The following CLMP variants were observed in gnomAD, a reference collection of about 807,000 sequenced individuals.
The protein encoded by CLMP is CXADR like cell adhesion molecule, also known as CXADR-like membrane protein.
Under a neutral mutation model 45.2 loss-of-function variants are expected in CLMP, and 27 were observed. That is an observed-to-expected ratio of 0.60 (90% CI 0.44 to 0.82). The LOEUF is 0.82. CLMP is among the 40% of genes least tolerant of loss of function. The pLI is 0.00. For missense variants in CLMP, 403 were observed against 448.4 expected (o/e 0.90, Z 0.91); for synonymous variants, 167 against 171.4 (o/e 0.97, Z 0.20).
chr11:123,171,433 T>C (rs1235441022), intron 1 of CLMP, among the ~76,000 whole-genome samples: 24 of 146,698 alleles, frequency 1.6e-4, no homozygotes, highest in African/African-American at 5.8e-4. Context: ...TTTTTTTTTC[T>C]TTTCTTTTCT....
chr11:123,132,950 G>T (rs1240694386), intron 1 of CLMP, among the ~76,000 whole-genome samples: 3 of 151,638 alleles, frequency 2.0e-5, no homozygotes, highest in Non-Finnish European at 4.4e-5. Context: ...GTATTTTTTG[G>T]TAGAGGCAGG....
chr11:123,072,771 C>G lies in CLMP; in HGVS notation c.*703G>C, dbSNP rs1225000673. 6.6e-6 allele frequency: 1 copy of G among 152,210 alleles called. No homozygotes were observed. Among genetic ancestry groups the G allele is most frequent in the Non-Finnish European group, 1.5e-5 (1 of 68,046 alleles). 9.4% of individuals were successfully genotyped at this position (152,210 alleles called of 1,614,324 possible). Reference sequence around the variant, plus strand: ...TGAAGATGGAAAGCTCTTCACAATCCTTTGTCACAAATTTTTGTCTCCTTT... The same window carrying G: ...TGAAGATGGAAAGCTCTTCACAATCGTTTGTCACAAATTTTTGTCTCCTTT... On this transcript the variant is annotated 3_prime_UTR_variant, in exon 7 of 7. Transcript: ENST00000448775.
At chr11:123,164,121 G>A (rs993397207) in intron 1 of CLMP, among the ~76,000 whole-genome samples, 2 of 151,820 alleles carry the variant, frequency 1.3e-5, no homozygotes, top group African/African-American at 4.8e-5. Context: ...TTGCTTCTAC[G>A]AAAATCAATA....
Position 123,194,997 on chromosome 11 carries a change from C to A in CLMP, c.-57G>T. On this transcript the variant is annotated 5_prime_UTR_variant, in exon 1 of 7. Transcript: ENST00000448775. Reference sequence around the variant, plus strand: ...CAGCTGCTGCTTGGCTCCGGGGCGGCCGGGCGCCTCCGACGGACCTCGGGC... The same window carrying A: ...CAGCTGCTGCTTGGCTCCGGGGCGGACGGGCGCCTCCGACGGACCTCGGGC... The A allele has an allele frequency of 1.9e-6, 3 of 1,570,028 alleles. No homozygotes were observed. Among genetic ancestry groups the A allele is most frequent in the Non-Finnish European group, 1.7e-6 (2 of 1,156,562 alleles).
chr11:123,112,834 C>A (rs1041501680), intron 1 of CLMP, among the ~76,000 whole-genome samples: 1 of 133,608 alleles, frequency 7.5e-6, no homozygotes, highest in African/African-American at 3.0e-5. Flanking sequence ...AGTGCAGTGG[C>A]GCAATCTTGG....
Position 123,074,842 on chromosome 11 carries a change from A to G in CLMP, c.681T>C (p.Tyr227=), listed in dbSNP as rs199663148. Residue 227 remains tyrosine (Y), a splice_region_variant and synonymous_variant, in exon 6 of 7, where the codon TAT becomes TAC. Coordinates refer to ENST00000448775, the MANE Select transcript of CLMP (RefSeq NM_024769.5). ...CTGCAACCATGCCGATGCTTTGTACATCTATTTTCTCAGAAGCAAAAGCAC... is the reference window on the plus strand; with the variant it reads ...CTGCAACCATGCCGATGCTTTGTACGTCTATTTTCTCAGAAGCAAAAGCAC... The part of the protein sequence containing the change: ...ESCVVRVTVQ[Y]VQSIGMVAGA... 11 of 1,611,208 alleles carry G rather than the reference A, an allele frequency of 6.8e-6. No individual in the cohort carries two copies. In the Admixed American group the frequency reaches 1.0e-4, roughly 15 times the overall value.
At chr11:123,194,412 C>G (rs1861950700) in intron 1 of CLMP, among the ~76,000 whole-genome samples, 1 of 152,014 alleles carries the variant, frequency 6.6e-6, no homozygotes, top group Non-Finnish European at 1.5e-5. Context: ...TGACTTGGGG[C>G]ATTTGCATCT....
intron 1 of CLMP, among the ~76,000 whole-genome samples, chr11:123,150,482 A>AGGAG (rs1861308622): frequency 2.0e-5 from 2 of 99,068 alleles, no homozygotes; most frequent in Non-Finnish European, 4.2e-5. Context: ...AAAGAAAGAA[A>AGGAG]GGAAGGAAGG....
At chr11:123,144,523 C>T (rs1861210569) in intron 1 of CLMP, among the ~76,000 whole-genome samples, 1 of 152,170 alleles carries the variant, frequency 6.6e-6, no homozygotes, top group Admixed American at 6.6e-5. Flanking sequence ...AGGCATGTGC[C>T]ACCATGCCCA....
intron 1 of CLMP, among the ~76,000 whole-genome samples, chr11:123,111,264 G>C (rs1860633854): frequency 6.6e-6 from 1 of 151,934 alleles, no homozygotes; most frequent in Non-Finnish European, 1.5e-5. Flanking sequence ...CCAAGTAGCT[G>C]GGATTACAGA....
At chr11:123,161,660 A>G (rs1861488790) in intron 1 of CLMP, among the ~76,000 whole-genome samples, 1 of 152,200 alleles carries the variant, frequency 6.6e-6, no homozygotes, top group Non-Finnish European at 1.5e-5. Context: ...TGGCAACGGA[A>G]CAAGATTCTG....
rs148962151 is a variant in CLMP at position 123,177,267 on chromosome 11, A to G, written c.28+17646T>C. The stretch of plus-strand genomic sequence containing the variant: ...TTTTTGCTCCTTTGATGCAGTGTGT[A>G]TTTGGGAGGTGCGGTCTTAGGAAGC... On this transcript the variant is annotated intron_variant, in intron 1 of 6. Coordinates refer to ENST00000448775, the MANE Select transcript of CLMP (RefSeq NM_024769.5). Among the ~76,000 whole-genome samples the G allele has an allele frequency of 5.9e-3, 898 of 152,120 alleles. 11 individuals are homozygous for G. The highest frequency in any genetic ancestry group is 0.021 in the African/African-American group (863 of 41,482).
chr11:123,123,418 C>A (rs1329391911), intron 1 of CLMP, among the ~76,000 whole-genome samples: 1 of 152,024 alleles, frequency 6.6e-6, no homozygotes, highest in African/African-American at 2.4e-5. Flanking sequence ...TGCCACCACA[C>A]TGGCTAATTT....
chr11:123,085,285 G>A lies in CLMP; in HGVS notation c.187-572C>T, dbSNP rs192035717. ...TTTATTTTTGAGACAGTCTCGCTCC[G>A]TCACCCAGGCTGAAGTGCAGTGGCA... On this transcript the variant is annotated intron_variant, in intron 2 of 6. Coordinates refer to ENST00000448775, the MANE Select transcript of CLMP (RefSeq NM_024769.5). Among the ~76,000 whole-genome samples the A allele has an allele frequency of 3.0e-3, 445 of 150,332 alleles. 1 individual carries two copies. The highest frequency in any genetic ancestry group is 6.5e-3 in the South Asian group (31 of 4,760).
intron 1 of CLMP, among the ~76,000 whole-genome samples, chr11:123,150,005 A>G (rs1861291040): frequency 6.6e-6 from 1 of 151,642 alleles, no homozygotes; most frequent in Non-Finnish European, 1.5e-5. Context: ...GGGTTTCACT[A>G]TGTTGGCCAG....
intron 1 of CLMP, among the ~76,000 whole-genome samples, chr11:123,159,647 T>C (rs1453882102): frequency 6.6e-6 from 1 of 152,172 alleles, no homozygotes; most frequent in African/African-American, 2.4e-5. Context: ...AACTGACACG[T>C]ACAAGGCAGT....
At chr11:123,146,327 T>G (rs1321222818) in intron 1 of CLMP, among the ~76,000 whole-genome samples, 1 of 152,186 alleles carries the variant, frequency 6.6e-6, no homozygotes, top group Non-Finnish European at 1.5e-5. Flanking sequence ...CCTAATACCA[T>G]GGTTGTGAGA....
At position 123,072,364 on chromosome 11, in the gene CLMP, A is replaced by G. The variant is rs544130519; in HGVS notation, c.*1110T>C. 8.0e-5 allele frequency: 12 copies of G among 150,630 alleles called. No individual in the cohort carries two copies. The highest frequency in any genetic ancestry group is 2.4e-4 in the African/African-American group (10 of 40,914). 9.3% of individuals were successfully genotyped at this position (150,630 alleles called of 1,614,324 possible). A position where few individuals can be genotyped will look rare whatever the true frequency, so the allele number is the denominator to read the frequency against. ...TGCTTTGTCACCCAGGCTGGAGTGC[A>G]ATGGCATAATCTTGGCTCACTGCAA... On this transcript the variant is annotated 3_prime_UTR_variant, in exon 7 of 7. Transcript: ENST00000448775.
chr11:123,164,944 A>G (rs988148452), intron 1 of CLMP, among the ~76,000 whole-genome samples: 11 of 152,212 alleles, frequency 7.2e-5, no homozygotes, highest in Admixed American at 5.9e-4. Flanking sequence ...AATCAAGTAT[A>G]TTCTAATATG....
Sources: gnomAD v4.1 joint callset for allele counts (sites outside exome capture counted in the v4.1 genomes callset) on GRCh38, gnomAD v4.1.1 for gene constraint, MANE v1.5 for transcripts, NCBI Gene and HGNC (gene_info 2026-07-23, HGNC 2026-07-21) for gene names.